Variants in MCMBP observed in about 807,000 individuals in gnomAD.
The protein encoded by MCMBP is mini-chromosome maintenance complex-binding protein.
Under a neutral mutation model 81.3 loss-of-function variants are expected in MCMBP, and 31 were observed. The observed-to-expected ratio is 0.38, with a 90% CI of 0.29 to 0.51. The LOEUF is 0.51. MCMBP is among the 20% of genes least tolerant of loss of function. The pLI, the probability that MCMBP is intolerant of heterozygous loss-of-function variation, is 0.87. For missense variants in MCMBP, 645 were observed against 772.1 expected (o/e 0.84, Z 1.95); for synonymous variants, 267 against 275.9 (o/e 0.97, Z 0.32).
At chr10:119,860,300 A>C (rs1413105659) in intron 1 of MCMBP, among the ~76,000 whole-genome samples, 2 of 152,188 alleles carry the variant, frequency 1.3e-5, no homozygotes, top group Non-Finnish European at 2.9e-5. Flanking sequence ...AAAGAGCCTA[A>C]GTTTTTTTGT....
At chr10:119,862,668 T>C (rs1477992639) in intron 1 of MCMBP, among the ~76,000 whole-genome samples, 2 of 152,222 alleles carry the variant, frequency 1.3e-5, no homozygotes, top group African/African-American at 4.8e-5. Flanking sequence ...CAGGTTTTCA[T>C]GTGAACATGA....
chr10:119,863,740 A>C (rs1853348059), intron 1 of MCMBP, among the ~76,000 whole-genome samples: 2 of 50,746 alleles, frequency 3.9e-5, no homozygotes, highest in South Asian at 7.9e-4. Flanking sequence ...AAAAAAAAAA[A>C]AAAAAAAAAA....
At chr10:119,868,197 G>A (rs1395450264) in intron 1 of MCMBP, among the ~76,000 whole-genome samples, 1 of 152,194 alleles carries the variant, frequency 6.6e-6, no homozygotes, top group Non-Finnish European at 1.5e-5. Context: ...GGCCAAGTGG[G>A]GGCAGATCAC....
chr10:119,859,333 C>A, intron 2 of MCMBP, 152 bp from the exon 3 acceptor site: 1 of 640,150 alleles, frequency 1.6e-6, no homozygotes, highest in South Asian at 2.9e-5. Flanking sequence ...GCCAAATGAT[C>A]TCAATGGTCA....
At chr10:119,869,184 G>A (rs1853576727) in intron 1 of MCMBP, among the ~76,000 whole-genome samples, 1 of 152,188 alleles carries the variant, frequency 6.6e-6, no homozygotes, top group African/African-American at 2.4e-5. Context: ...GGTGGCTCAC[G>A]CCTATAATCC....
intron 1 of MCMBP, among the ~76,000 whole-genome samples, chr10:119,871,768 G>C (rs1853682975): frequency 6.6e-6 from 1 of 152,194 alleles, no homozygotes; most frequent in Non-Finnish European, 1.5e-5. Context: ...CTGGGGAATG[G>C]AACGGTTGTC....
upstream of MCMBP, among the ~76,000 whole-genome samples, chr10:119,873,087 T>C (rs1163771869): frequency 1.3e-5 from 2 of 151,820 alleles, no homozygotes; most frequent in Non-Finnish European, 2.9e-5. Context: ...TGGGCCGGCG[T>C]GTAGCGGGAA....
At position 119,863,824 on chromosome 10, in the gene MCMBP, C is replaced by T. The variant is rs140540828; in HGVS notation, c.59-3940G>A. Reference sequence around the variant, plus strand: ...ATTATGCTAAGTGAGATAAGCCAGACGTAAAAGGTGAAATATTATTCTACT... The same window carrying T: ...ATTATGCTAAGTGAGATAAGCCAGATGTAAAAGGTGAAATATTATTCTACT... On this transcript the variant is annotated intron_variant, in intron 1 of 15. Transcript: ENST00000369077. Among the ~76,000 whole-genome samples the T allele has an allele frequency of 4.1e-3, 576 of 139,454 alleles. 4 individuals are homozygous for T. The highest frequency in any genetic ancestry group is 2.9e-3 in the Non-Finnish European group (190 of 65,640). The allele number at this position is 139,454 out of a possible 152,430, so 91.5% of individuals were successfully genotyped here.
intron 1 of MCMBP, among the ~76,000 whole-genome samples, chr10:119,868,648 G>A (rs1051544380): frequency 3.9e-5 from 6 of 152,114 alleles, no homozygotes; most frequent in Admixed American, 2.0e-4. Context: ...AGGAACTTCC[G>A]AAACAAGGAA....
chr10:119,835,935 C>T lies in MCMBP; in HGVS notation c.1543-231G>A, dbSNP rs566897398. On this transcript the variant is annotated intron_variant, in intron 13 of 15. Coordinates refer to ENST00000369077, the MANE Select transcript of MCMBP (RefSeq NM_001256378.2). ...CTCACTGCAACCTGCTTCCCAGGCT[C>T]AAGTGATCCTCCCACCTCAGCCTCC... Among the ~76,000 whole-genome samples the T allele has an allele frequency of 5.3e-5, 8 of 152,246 alleles. No individual in the cohort carries two copies. The South Asian group carries it at 1.2e-3, about 24-fold the overall frequency.
chr10:119,852,513 C>T (rs987702674), intron 6 of MCMBP, among the ~76,000 whole-genome samples: 1 of 152,108 alleles, frequency 6.6e-6, no homozygotes, highest in African/African-American at 2.4e-5. Flanking sequence ...CATCTCTACA[C>T]AAAATTTAAA....
intron 11 of MCMBP, 145 bp downstream of exon 11, chr10:119,840,698 A>G (rs1852402105): frequency 3.9e-6 from 2 of 506,740 alleles, no homozygotes; most frequent in East Asian, 7.0e-5. Flanking sequence ...CGTACATTTT[A>G]AATTATGTAA....
rs376981675 is a variant in MCMBP, at chr10:119,833,488, G to A, written c.1708-1388C>T. ...GACCTCATCACTACAAAAAAAAAAA[G>A]AAAGAAAAAAAAAGAAAAGAAAAAA... On this transcript the variant is annotated intron_variant, in intron 14 of 15. Transcript: ENST00000369077. 2.4e-3 allele frequency among the ~76,000 whole-genome samples: 353 copies of A among 149,970 alleles called. 2 individuals carry two copies. Among genetic ancestry groups the A allele is most frequent in the African/African-American group, 8.4e-3 (341 of 40,782 alleles).
chr10:119,864,869 A>C (rs909050309), intron 1 of MCMBP, among the ~76,000 whole-genome samples: 3 of 152,138 alleles, frequency 2.0e-5, no homozygotes, highest in Admixed American at 2.0e-4. Context: ...TTCCTTTGAG[A>C]GTTTTTAATC....
chr10:119,849,313 TGATTTGCTATA>T, intron 7 of MCMBP, 101 bp downstream of exon 7: 1 of 1,117,938 alleles, frequency 8.9e-7, no homozygotes, highest in South Asian at 1.5e-5. Flanking sequence ...AAATTTGCAG[TGATTTGCTATA>T]GCTAGCCCAG....
In MCMBP at chr10:119,859,055, T is replaced by C. The variant is rs766938290; in HGVS notation, c.271A>G (p.Asn91Asp). ...YMGVYETVNQ[N>D]TKAHVLHFGK... ...GCAATACTTACATGTGCTTTTGTGT[T>C]TTGGTTAACCGTTTCATAAACTCCC... The change falls in exon 3 of 16, where the codon AAC becomes GAC. Residue 91 changes from asparagine to aspartate, a missense_variant. Transcript: ENST00000369077. 1 of 1,613,646 alleles carries C rather than the reference T, an allele frequency of 6.2e-7. No homozygotes were observed. Among genetic ancestry groups the C allele is most frequent in the Non-Finnish European group, 8.5e-7 (1 of 1,179,752 alleles).
intron 1 of MCMBP, among the ~76,000 whole-genome samples, chr10:119,871,765 A>G (rs1295839874): frequency 2.6e-5 from 4 of 152,210 alleles, no homozygotes; most frequent in Non-Finnish European, 5.9e-5. Context: ...ACACTGGGGA[A>G]TGGAACGGTT....
chr10:119,858,918 TGAA>T lies in MCMBP; in HGVS notation c.290_292del (p.Leu97del). The stretch of plus-strand genomic sequence containing the variant: ...TGCTACATCTCTATATTTTCCAAAA[TGAA>T]GAACCTATGACCCCAAACATAGAAA... On this transcript the variant is annotated inframe_deletion, in exon 4 of 16. Transcript: ENST00000369077. The T allele has an allele frequency of 6.2e-7, 1 of 1,612,246 alleles. No homozygotes were observed. Among genetic ancestry groups the T allele is most frequent in the South Asian group, 1.1e-5 (1 of 90,884 alleles).
intron 11 of MCMBP, among the ~76,000 whole-genome samples, chr10:119,839,654 T>C (rs1375062332): frequency 6.6e-6 from 1 of 152,170 alleles, no homozygotes; most frequent in East Asian, 1.9e-4. Context: ...GTCAAAATCA[T>C]GCATGGATAA....
Sources: allele counts gnomAD v4.1 joint callset (sites outside exome capture counted in the v4.1 genomes callset), GRCh38; gene constraint gnomAD v4.1.1; transcripts MANE v1.5; gene names NCBI Gene and HGNC (gene_info 2026-07-23, HGNC 2026-07-21).